Variants in SLC14A2 observed in about 807,000 individuals in gnomAD.
SLC14A2 encodes urea transporter 2.
A neutral mutation model predicts 104.6 loss-of-function variants in SLC14A2; 91 were observed. That is an observed-to-expected ratio of 0.87 (90% CI 0.73 to 1.04). The LOEUF is 1.04. SLC14A2 is among the 50% of genes least tolerant of loss of function. The probability of loss-of-function intolerance (pLI) is 0.00; values close to 1 mark genes in which losing one functional copy is unlikely to be tolerated. For synonymous variants in SLC14A2, 476 were observed against 466.4 expected (o/e 1.02, Z -0.27); for missense variants, 1,189 against 1,156.0 (o/e 1.03, Z -0.41).
At chr18:45,489,667 T>A (rs887972408) in intron 2 of SLC14A2, among the ~76,000 whole-genome samples, 5 of 152,056 alleles carry the variant, frequency 3.3e-5, no homozygotes, top group Non-Finnish European at 2.9e-5. Context: ...ATCCCAGCTG[T>A]CCCCAGCCCA....
At chr18:45,207,429 AGAG>A in the SLC14A2 span, among the ~76,000 whole-genome samples, 542 of 151,750 alleles carry the variant, frequency 3.6e-3, 3 homozygotes, top group African/African-American at 0.012. Context: ...GAAAGAAAAA[AGAG>A]AAAGAGAAAG....
At chr18:45,378,154 C>T (rs2085795411) in intron 1 of SLC14A2, among the ~76,000 whole-genome samples, 3 of 152,208 alleles carry the variant, frequency 2.0e-5, no homozygotes, top group Admixed American at 2.0e-4. Flanking sequence ...GGGCTCCAAA[C>T]TACAGTAAGC....
chr18:45,477,382 A>C (rs900293983), intron 1 of SLC14A2, among the ~76,000 whole-genome samples: 1 of 152,134 alleles, frequency 6.6e-6, no homozygotes, highest in African/African-American at 2.4e-5. Context: ...TACCCACAAG[A>C]TGCCAGCCGG....
the SLC14A2 span, among the ~76,000 whole-genome samples, chr18:45,188,106 T>C: frequency 6.6e-6 from 1 of 152,162 alleles, no homozygotes; most frequent in South Asian, 2.1e-4. Context: ...CAATTGAGTA[T>C]GTCTATAATC....
intron 1 of SLC14A2, among the ~76,000 whole-genome samples, chr18:45,220,388 GT>G (rs1428129862): frequency 6.6e-6 from 1 of 152,220 alleles, no homozygotes; most frequent in Non-Finnish European, 1.5e-5. Context: ...CTAAAAGTCA[GT>G]TTTGTCATTA....
chr18:45,502,520 G>GGATATATGA (rs1433491275), intron 2 of SLC14A2, among the ~76,000 whole-genome samples: 1 of 152,152 alleles, frequency 6.6e-6, no homozygotes, highest in African/African-American at 2.4e-5. Flanking sequence ...TTGTGGACAA[G>GGATATATGA]GGTCACTATA....
At chr18:45,251,769 C>T (rs1386655021) in intron 1 of SLC14A2, among the ~76,000 whole-genome samples, 1 of 152,182 alleles carries the variant, frequency 6.6e-6, no homozygotes, top group Non-Finnish European at 1.5e-5. Flanking sequence ...TTAATTACTT[C>T]TTTAAAGACT....
chr18:45,238,694 ATAAG>A (rs1202621202), intron 1 of SLC14A2, among the ~76,000 whole-genome samples: 18 of 152,364 alleles, frequency 1.2e-4, no homozygotes, highest in East Asian at 1.2e-3. Context: ...ATAATAAAAG[ATAAG>A]TAAGAAAGAG....
intron 2 of SLC14A2, among the ~76,000 whole-genome samples, chr18:45,526,700 C>T (rs1057477720): frequency 6.6e-6 from 1 of 151,932 alleles, no homozygotes; most frequent in African/African-American, 2.4e-5. Flanking sequence ...TCTGACTTAG[C>T]TGGAACAGAA....
intron 2 of SLC14A2, among the ~76,000 whole-genome samples, chr18:45,603,398 A>G (rs2044819722): frequency 6.6e-6 from 1 of 152,128 alleles, no homozygotes; most frequent in Non-Finnish European, 1.5e-5. Context: ...ATCAACAAGC[A>G]GATGACAGAG....
intron 2 of SLC14A2, among the ~76,000 whole-genome samples, chr18:45,538,026 C>T (rs1555702656): frequency 6.6e-6 from 1 of 152,204 alleles, no homozygotes; most frequent in South Asian, 2.1e-4. Flanking sequence ...CACTCATTTG[C>T]TCACACAGTT....
intron 1 of SLC14A2, among the ~76,000 whole-genome samples, chr18:45,359,880 G>A (rs2085593702): frequency 6.6e-6 from 1 of 152,198 alleles, no homozygotes; most frequent in Admixed American, 6.5e-5. Context: ...GACAGAAACA[G>A]AGCTTCCCTC....
At chr18:45,226,912 G>T (rs1568109747) in intron 1 of SLC14A2, among the ~76,000 whole-genome samples, 1 of 152,096 alleles carries the variant, frequency 6.6e-6, no homozygotes, top group Non-Finnish European at 1.5e-5. Context: ...GAGTCCGGAG[G>T]TGGGCAGCAG....
At chr18:45,507,034 A>C (rs957769667) in intron 2 of SLC14A2, among the ~76,000 whole-genome samples, 1 of 152,176 alleles carries the variant, frequency 6.6e-6, no homozygotes, top group African/African-American at 2.4e-5. Flanking sequence ...TTTCCTGTAC[A>C]TTGAAGGAGA....
At chr18:45,623,695 C>T (rs144205200) in intron 1 of SLC14A2, among the ~76,000 whole-genome samples, 8 of 152,146 alleles carry the variant, frequency 5.3e-5, no homozygotes, top group South Asian at 2.1e-4. Context: ...GATGAGTATA[C>T]GGAATGGTAG....
intron 1 of SLC14A2, among the ~76,000 whole-genome samples, chr18:45,379,144 G>A (rs761526551): frequency 2.6e-5 from 4 of 152,136 alleles, no homozygotes; most frequent in Non-Finnish European, 5.9e-5. Context: ...CAAGTGTCAC[G>A]GAATACAATC....
chr18:45,636,855 C>G lies in SLC14A2; in HGVS notation c.651-135C>G, dbSNP rs1205674098. On this transcript the variant is annotated intron_variant, in intron 5 of 19. Coordinates refer to ENST00000255226, the MANE Select transcript of SLC14A2 (RefSeq NM_007163.4). Reference sequence around the variant, plus strand: ...TATTCCCTATCCCAGATCATTGGAACACTGGAGTCTCAAGGGGGCCAGGAA... The same window carrying G: ...TATTCCCTATCCCAGATCATTGGAAGACTGGAGTCTCAAGGGGGCCAGGAA... The G allele has an allele frequency of 1.4e-5, 9 of 639,952 alleles. No individual in the cohort carries two copies. The African/African-American group carries it at 1.5e-4, about 10-fold the overall frequency. The allele number at this position is 639,952 out of a possible 1,614,324, so 39.6% of individuals were successfully genotyped here.
intron 1 of SLC14A2, among the ~76,000 whole-genome samples, chr18:45,225,826 T>C (rs541004641): frequency 4.3e-4 from 65 of 152,320 alleles, no homozygotes; most frequent in Middle Eastern, 3.4e-3. Context: ...TTGTGATTTT[T>C]GCACACTGAC....
At chr18:45,642,673 G>A (rs1006972368) in intron 8 of SLC14A2, among the ~76,000 whole-genome samples, 2 of 152,206 alleles carry the variant, frequency 1.3e-5, no homozygotes, top group African/African-American at 2.4e-5. Flanking sequence ...GTTCAGCCCT[G>A]GTGAGACTTG....
Sources: allele counts gnomAD v4.1 joint callset (sites outside exome capture counted in the v4.1 genomes callset), GRCh38; gene constraint gnomAD v4.1.1; transcripts MANE v1.5; gene names NCBI Gene and HGNC (gene_info 2026-07-23, HGNC 2026-07-21).